Variants in SMARCAL1 observed in about 807,000 individuals in gnomAD.
SMARCAL1 encodes the protein SNF2 related chromatin remodeling annealing helicase 1, also known as ATP-driven annealing helicase.
In SMARCAL1, 58 loss-of-function variants were observed where a neutral mutation model predicts 94.5. The observed-to-expected ratio is 0.61, with a 90% CI of 0.50 to 0.76. The LOEUF (loss-of-function observed/expected upper bound fraction) is 0.76, where lower values mean the gene tolerates loss of function less well. SMARCAL1 is among the 30% of genes least tolerant of loss of function. The pLI is 0.00. For missense variants in SMARCAL1, 1,051 were observed against 1,177.9 expected (o/e 0.89, Z 1.58); for synonymous variants, 422 against 455.1 (o/e 0.93, Z 0.93).
chr2:216,420,953 G>A (rs953261235), intron 5 of SMARCAL1, among the ~76,000 whole-genome samples: 3 of 152,156 alleles, frequency 2.0e-5, no homozygotes, highest in East Asian at 1.9e-4. Context: ...TTGTTAAAAC[G>A]CAGCTAGCTG....
intron 12 of SMARCAL1, among the ~76,000 whole-genome samples, chr2:216,453,112 A>G (rs538495450): frequency 7.2e-5 from 11 of 152,312 alleles, no homozygotes; most frequent in African/African-American, 2.6e-4. Flanking sequence ...TAAACACCAC[A>G]GTGTTAACTC....
intron 4 of SMARCAL1, among the ~76,000 whole-genome samples, chr2:216,418,396 T>C (rs527573448): frequency 6.6e-6 from 1 of 152,376 alleles, no homozygotes; most frequent in East Asian, 1.9e-4. Context: ...TGTTACACAC[T>C]TGAGCTTTTG....
At chr2:216,461,090 GTA>G (rs60762983) in intron 12 of SMARCAL1, among the ~76,000 whole-genome samples, 9 of 144,256 alleles carry the variant, frequency 6.2e-5, no homozygotes, top group South Asian at 2.2e-4. Flanking sequence ...GTGTGTGTGT[GTA>G]TGTGTGTGTG....
chr2:216,454,584 C>T (rs1018072651), intron 12 of SMARCAL1, among the ~76,000 whole-genome samples: 1 of 152,118 alleles, frequency 6.6e-6, no homozygotes, highest in Admixed American at 6.5e-5. Context: ...AGTAGTGCCT[C>T]CCTCATAGCA....
intron 5 of SMARCAL1, among the ~76,000 whole-genome samples, chr2:216,421,391 G>A (rs569764773): frequency 1.4e-4 from 21 of 152,166 alleles, no homozygotes; most frequent in South Asian, 2.1e-4. Flanking sequence ...TCTGCCTCCC[G>A]GGTTCAAGTG....
intron 17 of SMARCAL1, among the ~76,000 whole-genome samples, chr2:216,479,822 G>A (rs753284864): frequency 3.3e-5 from 5 of 152,130 alleles, no homozygotes; most frequent in East Asian, 1.9e-4. Flanking sequence ...ACACTGAGGC[G>A]GACAGATGAC....
intron 17 of SMARCAL1, among the ~76,000 whole-genome samples, chr2:216,481,610 T>C (rs1362594999): frequency 6.6e-6 from 1 of 152,074 alleles, no homozygotes; most frequent in Non-Finnish European, 1.5e-5. Context: ...TTCAAGCGAT[T>C]CTTGTGCCTC....
At chr2:216,445,606 C>G (rs1373227710) in intron 10 of SMARCAL1, among the ~76,000 whole-genome samples, 1 of 110,734 alleles carries the variant, frequency 9.0e-6, no homozygotes. Flanking sequence ...TAAAACTTTT[C>G]ATTTTCCCCT....
At chr2:216,465,973 A>G (rs1694822003) in intron 13 of SMARCAL1, among the ~76,000 whole-genome samples, 2 of 152,164 alleles carry the variant, frequency 1.3e-5, no homozygotes, top group Admixed American at 6.5e-5. Flanking sequence ...CCTCCTGGGC[A>G]CTGCCCTTTT....
chr2:216,414,939 T>C lies in SMARCAL1; in HGVS notation c.235T>C (p.Ser79Pro). ...VIFKQQNLSSSSNADQRPHDS... is the reference protein window; with the variant it reads ...VIFKQQNLSSPSNADQRPHDS... The stretch of plus-strand genomic sequence containing the variant: ...TTTCAAGCAACAGAATCTCAGTAGC[T>C]CATCTAATGCTGACCAAAGACCTCA... Residue 79 changes from serine to proline, a missense_variant, in exon 3 of 18, where the codon TCA becomes CCA. Physicochemically the swap from Ser to Pro is moderately conservative, Grantham distance 74. Transcript: ENST00000357276. The C allele has an allele frequency of 6.2e-7, 1 of 1,614,088 alleles. No homozygotes were observed. Among genetic ancestry groups the C allele is most frequent in the Non-Finnish European group, 8.5e-7 (1 of 1,180,026 alleles).
chr2:216,438,396 A>T (rs1553527424), intron 9 of SMARCAL1, 24 bp from the exon 10 acceptor site: 1 of 1,607,932 alleles, frequency 6.2e-7, no homozygotes, highest in Non-Finnish European at 8.5e-7. Flanking sequence ...GATCTTGTAC[A>T]CTTATGTGGC....
intron 4 of SMARCAL1, among the ~76,000 whole-genome samples, chr2:216,419,495 G>C (rs948521227): frequency 1.3e-5 from 2 of 152,120 alleles, no homozygotes; most frequent in Admixed American, 6.5e-5. Context: ...TGCATCTGTA[G>C]TAGATGAAAT....
intron 1 of SMARCAL1, chr2:216,413,011 G>C (rs1339110867): frequency 6.6e-6 from 1 of 152,374 alleles, no homozygotes; most frequent in East Asian, 1.9e-4. Context: ...TGGAAACTTA[G>C]GCAGGAGTGT....
At chr2:216,458,497 C>T (rs1694622373) in intron 12 of SMARCAL1, among the ~76,000 whole-genome samples, 1 of 152,326 alleles carries the variant, frequency 6.6e-6, no homozygotes, top group African/African-American at 2.4e-5. Flanking sequence ...ATCAAGTGGG[C>T]TTCATCCCTG....
Position 216,460,317 on chromosome 2 carries a change from C to T in SMARCAL1, c.2071-4280C>T, listed in dbSNP as rs1240279966. ...TGTAGAACTAGAAATACCATTTGACCCAGCCATCCCATTACTGGGTATATA... is the reference window on the plus strand; with the variant it reads ...TGTAGAACTAGAAATACCATTTGACTCAGCCATCCCATTACTGGGTATATA... On this transcript the variant is annotated intron_variant, in intron 12 of 17. Transcript: ENST00000357276. Among the ~76,000 whole-genome samples the T allele has an allele frequency of 3.9e-5, 6 of 152,078 alleles. No homozygotes were observed. In the East Asian group the frequency reaches 1.2e-3, roughly 29 times the overall value.
chr2:216,446,509 A>G (rs1694317264), intron 10 of SMARCAL1, among the ~76,000 whole-genome samples: 1 of 152,196 alleles, frequency 6.6e-6, no homozygotes, highest in Middle Eastern at 3.2e-3. Flanking sequence ...TGTAATTGTC[A>G]TTATCTGAGT....
chr2:216,480,793 A>G (rs1695177857), intron 17 of SMARCAL1, among the ~76,000 whole-genome samples: 1 of 152,220 alleles, frequency 6.6e-6, no homozygotes. Flanking sequence ...AGGCCTGAAA[A>G]GCCAGGGGAG....
chr2:216,414,250 C>G, intron 2 of SMARCAL1: 1 of 163,770 alleles, frequency 6.1e-6, no homozygotes. Context: ...CTCTGCCTCC[C>G]AGGTTCAAGC....
intron 12 of SMARCAL1, among the ~76,000 whole-genome samples, chr2:216,461,422 G>A (rs1295140016): frequency 2.0e-5 from 3 of 151,852 alleles, no homozygotes; most frequent in Non-Finnish European, 4.4e-5. Context: ...TATGCAATAA[G>A]CAATATGTGT....
Sources: gnomAD v4.1 joint callset for allele counts (sites outside exome capture counted in the v4.1 genomes callset) on GRCh38, gnomAD v4.1.1 for gene constraint, MANE v1.5 for transcripts, NCBI Gene and HGNC (gene_info 2026-07-23, HGNC 2026-07-21) for gene names.